Variants in STXBP6 observed in about 807,000 individuals in gnomAD.
The protein encoded by STXBP6 is syntaxin-binding protein 6.
Under a neutral mutation model 26.9 loss-of-function variants are expected in STXBP6, and 21 were observed. The ratio of observed to expected loss-of-function variants is 0.78; its 90% CI spans 0.55 to 1.12. The LOEUF (loss-of-function observed/expected upper bound fraction) is 1.12, where lower values mean the gene tolerates loss of function less well. Among genes scored for constraint, STXBP6 ranks in the 50% most tolerant of loss-of-function variants. The probability of loss-of-function intolerance (pLI) is 0.00; values close to 1 mark genes in which losing one functional copy is unlikely to be tolerated. For missense variants in STXBP6, 232 were observed against 257.9 expected (o/e 0.90, Z 0.69); for synonymous variants, 97 against 92.6 (o/e 1.05, Z -0.27).
intron 2 of STXBP6, among the ~76,000 whole-genome samples, chr14:24,914,603 C>T (rs2139754413): frequency 6.6e-6 from 1 of 152,258 alleles, no homozygotes; most frequent in African/African-American, 2.4e-5. Flanking sequence ...TCCTGAATGC[C>T]AGGGCCGCAG....
chr14:24,879,041 C>G (rs2139408198), intron 2 of STXBP6, among the ~76,000 whole-genome samples: 1 of 152,092 alleles, frequency 6.6e-6, no homozygotes, highest in Non-Finnish European at 1.5e-5. Flanking sequence ...ATAAAAAATA[C>G]ATGAATTCTA....
intron 2 of STXBP6, among the ~76,000 whole-genome samples, chr14:24,961,507 G>T (rs2073538482): frequency 6.6e-6 from 1 of 151,456 alleles, no homozygotes; most frequent in African/African-American, 2.4e-5. Context: ...AATGAACATG[G>T]ATGGAGGCCA....
chr14:24,857,299 T>C (rs548127755), intron 2 of STXBP6, 142 bp from the exon 3 acceptor site: 117 of 1,043,490 alleles, frequency 1.1e-4, no homozygotes, highest in Non-Finnish European at 1.6e-4. Flanking sequence ...GGAATATGAA[T>C]AAATATGTGT....
At chr14:24,832,183 T>C (rs914534125) in intron 4 of STXBP6, among the ~76,000 whole-genome samples, 1 of 152,198 alleles carries the variant, frequency 6.6e-6, no homozygotes, top group African/African-American at 2.4e-5. Context: ...CAATATACAA[T>C]ACTACCTAGC....
chr14:24,996,864 CAAA>C (rs753413417), intron 1 of STXBP6, among the ~76,000 whole-genome samples: 3 of 60,892 alleles, frequency 4.9e-5, no homozygotes, highest in African/African-American at 1.3e-4. Flanking sequence ...AACTCTGTCT[CAAA>C]AAAAAAAAAA....
chr14:25,001,449 C>T (rs2074759011), intron 1 of STXBP6, among the ~76,000 whole-genome samples: 1 of 152,164 alleles, frequency 6.6e-6, no homozygotes, highest in Non-Finnish European at 1.5e-5. Context: ...TTTTGGGTCC[C>T]TAGATAGCTT....
chr14:24,912,365 T>A (rs185297048), intron 2 of STXBP6, among the ~76,000 whole-genome samples: 2 of 149,712 alleles, frequency 1.3e-5, no homozygotes, highest in Admixed American at 1.3e-4. Flanking sequence ...TGGATGTTAC[T>A]GAAAATCACC....
chr14:25,009,619 G>T (rs1160160531), intron 1 of STXBP6, among the ~76,000 whole-genome samples: 1 of 152,112 alleles, frequency 6.6e-6, no homozygotes, highest in African/African-American at 2.4e-5. Context: ...TACTCTTTGA[G>T]AACTTACTCC....
rs778230256 is a variant in STXBP6, at chr14:24,937,322, C to T, written c.154+37343G>A. ...AGTAAAGAGACTACCAATTAAACCA[C>T]GACACACTTTTTAAACACATGCTTT... is the stretch of plus-strand genomic sequence containing the variant. On this transcript the variant is annotated intron_variant, in intron 2 of 5. Transcript: ENST00000323944. 3.3e-5 allele frequency among the ~76,000 whole-genome samples: 5 copies of T among 152,264 alleles called. No individual in the cohort carries two copies. In the Middle Eastern group the frequency reaches 0.01, roughly 311 times the overall value.
chr14:24,820,802 C>T (rs368156454), intron 4 of STXBP6, among the ~76,000 whole-genome samples: 1 of 152,284 alleles, frequency 6.6e-6, no homozygotes, highest in Non-Finnish European at 1.5e-5. Context: ...TGCACAATAC[C>T]GTATCACTAG....
chr14:24,893,874 GTCATTCC>G (rs1449436537), intron 2 of STXBP6, among the ~76,000 whole-genome samples: 1 of 152,102 alleles, frequency 6.6e-6, no homozygotes, highest in East Asian at 1.9e-4. Flanking sequence ...CTTCAGTCTA[GTCATTCC>G]TCTTTTGGGT....
intron 2 of STXBP6, among the ~76,000 whole-genome samples, chr14:24,891,253 C>A (rs1182805053): frequency 6.6e-6 from 1 of 152,108 alleles, no homozygotes; most frequent in Non-Finnish European, 1.5e-5. Context: ...TGAACGTTTC[C>A]TTTTTAGACA....
intron 2 of STXBP6, among the ~76,000 whole-genome samples, chr14:24,892,260 A>C (rs565029938): frequency 1.3e-5 from 2 of 152,230 alleles, no homozygotes; most frequent in Admixed American, 1.3e-4. Flanking sequence ...AAGGAAAACA[A>C]GGAGGAAAGT....
At chr14:24,818,761 C>A (rs1373058829) in intron 5 of STXBP6, among the ~76,000 whole-genome samples, 1 of 152,086 alleles carries the variant, frequency 6.6e-6, no homozygotes, top group East Asian at 1.9e-4. Context: ...CCCTAAACTT[C>A]TGAGCAGGAA....
At chr14:24,961,912 GA>G (rs1226145582) in intron 2 of STXBP6, among the ~76,000 whole-genome samples, 6 of 151,818 alleles carry the variant, frequency 4.0e-5, no homozygotes, top group Non-Finnish European at 7.4e-5. Context: ...TACCAACCTA[GA>G]AAAAAAACAT....
intron 2 of STXBP6, among the ~76,000 whole-genome samples, chr14:24,917,490 G>A (rs143289932): frequency 6.8e-4 from 104 of 152,126 alleles, no homozygotes; most frequent in Middle Eastern, 3.4e-3. Context: ...AATCTCTGAG[G>A]AGGTTAACAT....
intron 2 of STXBP6, chr14:24,878,662 C>A (rs2070235807): frequency 4.5e-6 from 1 of 221,280 alleles, no homozygotes; most frequent in Admixed American, 5.0e-5. Flanking sequence ...CTTTTTCAGT[C>A]CACCACTACA....
intron 1 of STXBP6, among the ~76,000 whole-genome samples, chr14:24,976,485 A>G (rs1458136715): frequency 6.6e-6 from 1 of 152,202 alleles, no homozygotes; most frequent in Non-Finnish European, 1.5e-5. Context: ...TTGTGCTCCA[A>G]TCCCAACATT....
chr14:25,011,577 C>T (rs901271234), intron 1 of STXBP6, among the ~76,000 whole-genome samples: 9 of 152,020 alleles, frequency 5.9e-5, no homozygotes, highest in African/African-American at 1.2e-4. Flanking sequence ...GAGAATGAGA[C>T]AAAATAATGT....
Sources: allele counts gnomAD v4.1 joint callset (sites outside exome capture counted in the v4.1 genomes callset), GRCh38; gene constraint gnomAD v4.1.1; transcripts MANE v1.5; gene names NCBI Gene and HGNC (gene_info 2026-07-23, HGNC 2026-07-21).